NALCN: variants seen among roughly 807,000 people sequenced by gnomAD.
The protein encoded by NALCN is sodium leak channel, non-selective.
In NALCN, 111 loss-of-function variants were observed where a neutral mutation model predicts 225.3. That is an observed-to-expected ratio of 0.49 (90% CI 0.42 to 0.58). The LOEUF is 0.58. NALCN is among the 20% of genes least tolerant of loss of function. The probability of loss-of-function intolerance (pLI) is 0.00; values close to 1 mark genes in which losing one functional copy is unlikely to be tolerated. For missense variants in NALCN, 1,378 were observed against 2,202.4 expected (o/e 0.63, Z 7.49); for synonymous variants, 764 against 769.0 (o/e 0.99, Z 0.11).
At chr13:101,176,756 A>C (rs2038975034) in intron 14 of NALCN, among the ~76,000 whole-genome samples, 1 of 152,230 alleles carries the variant, frequency 6.6e-6, no homozygotes, top group Non-Finnish European at 1.5e-5. Context: ...GAAATATTAG[A>C]AATAACATCC....
intron 7 of NALCN, among the ~76,000 whole-genome samples, chr13:101,296,655 A>G (rs1363115958): frequency 6.6e-6 from 1 of 152,222 alleles, no homozygotes; most frequent in Non-Finnish European, 1.5e-5. Context: ...TGATGCTACA[A>G]CAGCACCTGG....
intron 10 of NALCN, among the ~76,000 whole-genome samples, chr13:101,268,479 G>A (rs2042669101): frequency 6.6e-6 from 1 of 152,108 alleles, no homozygotes; most frequent in African/African-American, 2.4e-5. Flanking sequence ...TGTGGGAAGG[G>A]GAGACTATTT....
chr13:101,383,095 T>A (rs1319996780), intron 3 of NALCN, among the ~76,000 whole-genome samples: 1 of 152,184 alleles, frequency 6.6e-6, no homozygotes, highest in Non-Finnish European at 1.5e-5. Flanking sequence ...TTTGGCTTTT[T>A]AATGTTCATT....
chr13:101,140,970 C>G (rs1420677080), intron 17 of NALCN, among the ~76,000 whole-genome samples: 1 of 152,104 alleles, frequency 6.6e-6, no homozygotes, highest in Non-Finnish European at 1.5e-5. Flanking sequence ...AGTAAAGCCT[C>G]TAAGGACAGC....
At chr13:101,056,688 C>G (rs1165313179) in intron 43 of NALCN, among the ~76,000 whole-genome samples, 4 of 152,162 alleles carry the variant, frequency 2.6e-5, no homozygotes, top group Admixed American at 2.6e-4. Context: ...TCTGTCCATG[C>G]CTTTGTTGCC....
intron 15 of NALCN, among the ~76,000 whole-genome samples, chr13:101,146,176 A>G (rs916914572): frequency 1.1e-4 from 17 of 152,190 alleles, no homozygotes; most frequent in Admixed American, 5.9e-4. Flanking sequence ...AGGCTGCAGA[A>G]ATCGCTCTTA....
chr13:101,167,842 AAAAC>A (rs1160712959), intron 15 of NALCN, among the ~76,000 whole-genome samples: 6 of 88,648 alleles, frequency 6.8e-5, no homozygotes, highest in African/African-American at 9.6e-5. Flanking sequence ...CTGTCAAAAA[AAAAC>A]AAAAACAAAA....
In NALCN at chr13:101,143,067, C is replaced by T. The variant is rs760161694; in HGVS notation, c.2118+13G>A. 17 of 1,613,960 alleles carry T rather than the reference C, an allele frequency of 1.1e-5. No individual in the cohort carries two copies. The highest frequency in any genetic ancestry group is 1.0e-4 in the Admixed American group (6 of 60,000). ...TTTTTAGAAGCCTGGTTATTCGAAA[C>T]AGCAGATCTTACTTTTTGGTCGATG... On this transcript the variant is annotated intron_variant, in intron 17 of 43. Transcript: ENST00000251127.
chr13:101,275,707 A>G (rs1594582803), intron 10 of NALCN, among the ~76,000 whole-genome samples: 1 of 152,068 alleles, frequency 6.6e-6, no homozygotes, highest in Admixed American at 6.6e-5. Context: ...GGAGATGCGC[A>G]TTTAGGCAGT....
Position 101,111,215 on chromosome 13 carries a change from C to T in NALCN, c.2204G>A (p.Arg735Gln), listed in dbSNP as rs145128255. ...AVTKILRACT[R>Q]QRMLSGSFEG... ...AAATGATCCGCTCAGCATGCGCTGT[C>T]GGGTGCAAGCTCTAGGAAAAAAAAA... Residue 735 changes from arginine (R) to glutamine (Q), a missense_variant, in exon 19 of 44, where the codon CGA (arginine) becomes CAA (glutamine). Around this residue, in one of 19 missense-constraint regions of NALCN, gnomAD observed 66 missense variants for 85.7 expected, o/e 0.77. Transcript: ENST00000251127. 67 of 1,589,772 alleles carry T rather than the reference C, an allele frequency of 4.2e-5. No homozygotes were observed. In the Middle Eastern group the frequency reaches 6.6e-4, roughly 16 times the overall value.
chr13:101,212,861 G>T (rs1173197400), intron 13 of NALCN, among the ~76,000 whole-genome samples: 1 of 152,084 alleles, frequency 6.6e-6, no homozygotes, highest in Non-Finnish European at 1.5e-5. Context: ...CATGAAAATG[G>T]CCATACTGCC....
intron 10 of NALCN, among the ~76,000 whole-genome samples, chr13:101,270,449 A>G (rs1566510554): frequency 6.6e-6 from 1 of 152,204 alleles, no homozygotes; most frequent in Non-Finnish European, 1.5e-5. Flanking sequence ...TAAACTCAAG[A>G]GACAAATTAT....
At chr13:101,335,403 G>C (rs1468820295) in intron 7 of NALCN, among the ~76,000 whole-genome samples, 1 of 148,680 alleles carries the variant, frequency 6.7e-6, no homozygotes, top group East Asian at 1.9e-4. Flanking sequence ...ATGTAACCTA[G>C]GGGCACTTAT....
intron 7 of NALCN, among the ~76,000 whole-genome samples, chr13:101,311,299 T>C (rs1439274850): frequency 6.6e-6 from 1 of 151,994 alleles, no homozygotes; most frequent in Non-Finnish European, 1.5e-5. Flanking sequence ...AATCATGTCA[T>C]CTGCAAACAG....
intron 36 of NALCN, 24 bp from the exon 37 acceptor site, chr13:101,073,701 C>CAGAA: frequency 1.9e-6 from 3 of 1,585,918 alleles, no homozygotes; most frequent in Non-Finnish European, 2.6e-6. Context: ...AAAAAATTAA[C>CAGAA]AGAATGTGAA....
chr13:101,094,655 T>A (rs2034410321), intron 28 of NALCN, among the ~76,000 whole-genome samples: 1 of 152,164 alleles, frequency 6.6e-6, no homozygotes, highest in South Asian at 2.1e-4. Context: ...AAATGAATCC[T>A]TTTTCTCAGT....
intron 15 of NALCN, among the ~76,000 whole-genome samples, chr13:101,153,338 G>C (rs554127941): frequency 6.6e-6 from 1 of 152,282 alleles, no homozygotes; most frequent in South Asian, 2.1e-4. Context: ...TACAGGAGGA[G>C]GACTTCACCC....
intron 13 of NALCN, among the ~76,000 whole-genome samples, chr13:101,201,085 C>A (rs1411226885): frequency 6.6e-6 from 1 of 152,020 alleles, no homozygotes; most frequent in Non-Finnish European, 1.5e-5. Flanking sequence ...AAAGTGTATA[C>A]AATAAACCTG....
At chr13:101,397,789 T>C (rs1024272266) in intron 2 of NALCN, among the ~76,000 whole-genome samples, 3 of 151,628 alleles carry the variant, frequency 2.0e-5, no homozygotes, top group Non-Finnish European at 1.5e-5. Context: ...ATAGATAACT[T>C]TATATTTACA....
Sources: gnomAD v4.1 joint callset for allele counts (sites outside exome capture counted in the v4.1 genomes callset) on GRCh38, gnomAD v4.1.1 for gene constraint, gnomAD v4.1.1 regional missense constraint, MANE v1.5 for transcripts, NCBI Gene and HGNC (gene_info 2026-07-23, HGNC 2026-07-21) for gene names.